Variants in SIPA1L3 observed in about 807,000 individuals in gnomAD.
The protein encoded by SIPA1L3 is signal induced proliferation associated 1 like 3.
In SIPA1L3, 59 loss-of-function variants were observed where a neutral mutation model predicts 150.1. The ratio of observed to expected loss-of-function variants is 0.39; its 90% confidence interval spans 0.32 to 0.49. The LOEUF (loss-of-function observed/expected upper bound fraction) is 0.49, where lower values mean the gene tolerates loss of function less well. Ranked by LOEUF, SIPA1L3 falls within the 20% of genes least tolerant of loss-of-function variation. The probability of loss-of-function intolerance (pLI) is 0.86; values close to 1 mark genes in which losing one functional copy is unlikely to be tolerated. For missense variants in SIPA1L3, 2,211 were observed against 2,489.5 expected, an observed-to-expected ratio of 0.89 and a Z score of 2.38; for synonymous variants, 1,070 against 1,077.6, an observed-to-expected ratio of 0.99 and a Z score of 0.14.
intron 1 of SIPA1L3, among the ~76,000 whole-genome samples, chr19:37,974,932 C>T (rs1967039900): frequency 6.6e-6 from 1 of 152,130 alleles, no homozygotes; most frequent in African/African-American, 2.4e-5. Flanking sequence ...AATCCCAGCA[C>T]TTTGGGAGGC....
chr19:37,970,392 C>T (rs1000290954), intron 1 of SIPA1L3, among the ~76,000 whole-genome samples: 2 of 152,154 alleles, frequency 1.3e-5, no homozygotes, highest in African/African-American at 2.4e-5. Context: ...TCTTAGTCAT[C>T]TCCTATCTGA....
At chr19:38,087,412 C>T (rs1047926950) in intron 3 of SIPA1L3, among the ~76,000 whole-genome samples, 4 of 152,108 alleles carry the variant, frequency 2.6e-5, no homozygotes. Flanking sequence ...AGTATTTTGC[C>T]CTTAGACTAG....
At chr19:38,049,315 TAA>T (rs1157472634) in intron 2 of SIPA1L3, among the ~76,000 whole-genome samples, 4 of 152,120 alleles carry the variant, frequency 2.6e-5, no homozygotes, top group Non-Finnish European at 4.4e-5. Flanking sequence ...GAGGTTTGAG[TAA>T]AGAGTCAGCT....
intron 1 of SIPA1L3, among the ~76,000 whole-genome samples, chr19:37,947,484 A>G (rs758906423): frequency 8.3e-4 from 124 of 149,820 alleles, no homozygotes; most frequent in Middle Eastern, 3.4e-3. Flanking sequence ...GTGAGACTCC[A>G]TATCAAAAAA....
chr19:38,000,506 G>A (rs1282334109), intron 1 of SIPA1L3, among the ~76,000 whole-genome samples: 3 of 148,198 alleles, frequency 2.0e-5, no homozygotes, highest in Non-Finnish European at 4.5e-5. Context: ...AAAGAACCTC[G>A]GTTTATAAAT....
intron 1 of SIPA1L3, among the ~76,000 whole-genome samples, chr19:37,916,924 A>G (rs1042706990): frequency 2.0e-5 from 3 of 151,368 alleles, no homozygotes; most frequent in Admixed American, 1.3e-4. Flanking sequence ...GCACCACTGC[A>G]CTCCAGCCTG....
intron 1 of SIPA1L3, among the ~76,000 whole-genome samples, chr19:38,013,973 A>G (rs2145685636): frequency 6.6e-6 from 1 of 152,394 alleles, no homozygotes; most frequent in South Asian, 2.1e-4. Context: ...TACAGCGACA[A>G]AAGTCATTGT....
At position 38,162,353 on chromosome 19, in the gene SIPA1L3, C is replaced by T. The variant is rs332864; in HGVS notation, c.3762C>T (p.Ser1254=). Residue 1254 remains serine, a synonymous_variant, in exon 14 of 22, where the codon TCC becomes TCT. Coordinates refer to ENST00000222345, the MANE Select transcript of SIPA1L3 (RefSeq NM_015073.3). ...PSRQDAAGKD[S]PNRHSKGEPQ... ...GGCAGGATGCAGCAGGCAAAGATTC[C>T]CCCAACAGGCATTCCAAAGTGAGTC... 657,138 of 1,612,732 alleles carry T rather than the reference C, an allele frequency of 0.41. 139,602 individuals carry two copies. Among genetic ancestry groups the T allele is most frequent in the Middle Eastern group, 0.5 (3,046 of 6,046 alleles).
intron 1 of SIPA1L3, among the ~76,000 whole-genome samples, chr19:38,007,466 AG>A (rs10711488): frequency 0.73 from 89,953 of 123,854 alleles, 32,553 homozygotes; most frequent in East Asian, 0.9. Flanking sequence ...AAAAAAAAAA[AG>A]AAAGAAAAGA....
At chr19:38,177,398 C>T (rs980133481) in intron 15 of SIPA1L3, among the ~76,000 whole-genome samples, 4 of 151,050 alleles carry the variant, frequency 2.6e-5, no homozygotes, top group African/African-American at 7.3e-5. Flanking sequence ...TTTTGCCAGG[C>T]GCAGTGACTC....
chr19:37,978,283 T>C (rs1468535714), intron 1 of SIPA1L3, among the ~76,000 whole-genome samples: 1 of 152,176 alleles, frequency 6.6e-6, no homozygotes, highest in Non-Finnish European at 1.5e-5. Context: ...CGATGGGCCG[T>C]GGGACTGGGC....
At chr19:37,986,018 T>C (rs1415897473) in intron 1 of SIPA1L3, among the ~76,000 whole-genome samples, 1 of 152,206 alleles carries the variant, frequency 6.6e-6, no homozygotes, top group Non-Finnish European at 1.5e-5. Context: ...CCCAGATAGA[T>C]CAGCTCAAAG....
intron 9 of SIPA1L3, among the ~76,000 whole-genome samples, chr19:38,129,102 A>G (rs855614): frequency 0.66 from 99,718 of 151,948 alleles, 34,192 homozygotes; most frequent in African/African-American, 0.85. Flanking sequence ...GGCTGGTTAC[A>G]TTCATCTTGT....
chr19:37,911,519 T>G lies in SIPA1L3; in HGVS notation c.-379+4161T>G, dbSNP rs545426061. ...GTTGTTCCTCTGAGATGTCTTTTTT[T>G]TTTTTTTGAGACGGAGTCTTGCTCT... On this transcript the variant is annotated intron_variant, in intron 1 of 21. Transcript: ENST00000222345. 3.3e-5 allele frequency among the ~76,000 whole-genome samples: 5 copies of G among 151,864 alleles called. No individual in the cohort carries two copies. The East Asian group carries it at 9.7e-4, about 30-fold the overall frequency.
At chr19:38,064,044 A>G (rs1048079309) in intron 2 of SIPA1L3, among the ~76,000 whole-genome samples, 1 of 152,178 alleles carries the variant, frequency 6.6e-6, no homozygotes, top group Non-Finnish European at 1.5e-5. Context: ...CCACTCTACA[A>G]ACATGGCTGT....
At chr19:37,941,398 T>G (rs1442094704) in intron 1 of SIPA1L3, among the ~76,000 whole-genome samples, 1 of 152,112 alleles carries the variant, frequency 6.6e-6, no homozygotes, top group African/African-American at 2.4e-5. Context: ...AACTTTTGTT[T>G]GCCTTAGAAA....
At chr19:37,927,619 G>A (rs1021222347) in intron 1 of SIPA1L3, among the ~76,000 whole-genome samples, 10 of 139,866 alleles carry the variant, frequency 7.1e-5, no homozygotes, top group African/African-American at 2.7e-4. Flanking sequence ...GTGTGTATAT[G>A]CAATGTTTAG....
intron 1 of SIPA1L3, among the ~76,000 whole-genome samples, chr19:38,003,570 C>T (rs1967864529): frequency 6.6e-6 from 1 of 152,200 alleles, no homozygotes; most frequent in Admixed American, 6.5e-5. Context: ...TTTCCCGTGC[C>T]ACCGCCAGTT....
chr19:38,123,264 G>GTT (rs61656606), intron 9 of SIPA1L3, among the ~76,000 whole-genome samples: 1 of 129,188 alleles, frequency 7.7e-6, no homozygotes, highest in African/African-American at 2.8e-5. Flanking sequence ...TTTTTTTTTT[G>GTT]TTTTTTTTGT....
Sources: allele counts gnomAD v4.1 joint callset (sites outside exome capture counted in the v4.1 genomes callset), GRCh38; gene constraint gnomAD v4.1.1; transcripts MANE v1.5; gene names NCBI Gene and HGNC (gene_info 2026-07-23, HGNC 2026-07-21).